The following WDR27 variants were observed in gnomAD, a reference collection of about 807,000 sequenced individuals.
The protein encoded by WDR27 is WD repeat-containing protein 27.
WDR27 carries 100 observed loss-of-function variants against 114.4 expected under a neutral mutation model. That is an observed-to-expected ratio of 0.87 (90% CI 0.74 to 1.03). WDR27 has a LOEUF of 1.03. WDR27 is among the 50% of genes least tolerant of loss of function. The pLI is 0.00. For synonymous variants in WDR27, 449 were observed against 423.1 expected (o/e 1.06, Z -0.75); for missense variants, 1,129 against 1,092.9 (o/e 1.03, Z -0.47).
chr6:169,614,699 A>G (rs1811382485), intron 21 of WDR27, among the ~76,000 whole-genome samples: 1 of 151,828 alleles, frequency 6.6e-6, no homozygotes, highest in South Asian at 2.1e-4. Context: ...AAAAAAAAAA[A>G]GAAAAGAAAA....
At chr6:169,429,873 G>C in the WDR27 span, among the ~76,000 whole-genome samples, 1 of 152,178 alleles carries the variant, frequency 6.6e-6, no homozygotes, top group Non-Finnish European at 1.5e-5. Context: ...GGTTTAGGTG[G>C]TAGTGTCCTA....
At chr6:169,697,422 G>C (rs1023387396) in intron 1 of WDR27, among the ~76,000 whole-genome samples, 2 of 152,080 alleles carry the variant, frequency 1.3e-5, no homozygotes, top group African/African-American at 2.4e-5. Context: ...TAGCAGACCG[G>C]GAAAGGGAAT....
chr6:169,477,775 A>G (rs1787388688), intron 25 of WDR27, among the ~76,000 whole-genome samples: 1 of 152,218 alleles, frequency 6.6e-6, no homozygotes, highest in Non-Finnish European at 1.5e-5. Flanking sequence ...CAAATAATAC[A>G]TGACCTAGAA....
chr6:169,622,655 C>T (rs1048810553), intron 21 of WDR27, among the ~76,000 whole-genome samples: 2 of 152,176 alleles, frequency 1.3e-5, no homozygotes, highest in African/African-American at 4.8e-5. Flanking sequence ...ATTATTTTTA[C>T]CAGAGCTATA....
intron 25 of WDR27, among the ~76,000 whole-genome samples, chr6:169,540,448 T>C (rs1208234853): frequency 1.3e-5 from 2 of 151,146 alleles, no homozygotes; most frequent in Non-Finnish European, 3.0e-5. Flanking sequence ...TTTTTTTCTT[T>C]AGAGGGAGTC....
intron 25 of WDR27, among the ~76,000 whole-genome samples, chr6:169,504,537 T>C (rs1489475131): frequency 6.6e-6 from 1 of 152,210 alleles, no homozygotes; most frequent in Non-Finnish European, 1.5e-5. Context: ...TTAAACCTCT[T>C]TCCTTTATAA....
In WDR27 at chr6:169,519,868, G is replaced by A. The variant is rs184625429; in HGVS notation, c.2645+52551C>T. Among the ~76,000 whole-genome samples the A allele has an allele frequency of 8.4e-4, 128 of 152,098 alleles. 1 individual carries two copies. The highest frequency in any genetic ancestry group is 2.8e-3 in the African/African-American group (117 of 41,478). The stretch of plus-strand genomic sequence containing the variant: ...AGAACTGGACTTCCTCATCTGTGAT[G>A]GTTTTCCCCCATCTTCTTGACATGA... On this transcript the variant is annotated intron_variant, in intron 25 of 25. Transcript: ENST00000448612.
chr6:169,496,879 A>G (rs1790474602), intron 25 of WDR27, among the ~76,000 whole-genome samples: 1 of 152,160 alleles, frequency 6.6e-6, no homozygotes, highest in Admixed American at 6.5e-5. Context: ...AGTGCTCTAC[A>G]GATGCAATGC....
Position 169,670,499 on chromosome 6 carries a change from A to G in WDR27, c.456+70T>C, listed in dbSNP as rs1778423230. The G allele has an allele frequency of 1.9e-6, 3 of 1,583,800 alleles. No individual in the cohort carries two copies. In the East Asian group the frequency reaches 6.8e-5, roughly 36 times the overall value. ...AGGAAAAAAGAAAAGACCGCTGGGC[A>G]AGGTCCCAGAACCTGGGAGGCCCCA... On this transcript the variant is annotated intron_variant, in intron 4 of 25. Transcript: ENST00000448612.
At chr6:169,689,971 T>G (rs1392910949) in intron 1 of WDR27, among the ~76,000 whole-genome samples, 1 of 151,976 alleles carries the variant, frequency 6.6e-6, no homozygotes, top group East Asian at 1.9e-4. Context: ...GCTGGTCATG[T>G]GGATTCACAG....
chr6:169,448,679 C>T, the WDR27 span, among the ~76,000 whole-genome samples: 3 of 152,164 alleles, frequency 2.0e-5, no homozygotes, highest in Non-Finnish European at 1.5e-5. Flanking sequence ...TCATCCCATT[C>T]ACCGACCTGC....
chr6:169,564,002 A>T (rs1206088432), intron 25 of WDR27, among the ~76,000 whole-genome samples: 2 of 152,210 alleles, frequency 1.3e-5, no homozygotes, highest in Non-Finnish European at 2.9e-5. Context: ...TCACACCATC[A>T]CCAGGCGAAG....
intron 25 of WDR27, among the ~76,000 whole-genome samples, chr6:169,502,730 TCTC>T (rs1485317959): frequency 3.9e-5 from 6 of 152,076 alleles, no homozygotes; most frequent in Non-Finnish European, 8.8e-5. Context: ...CCCGGGGTGC[TCTC>T]CTCATCTCCA....
intron 23 of WDR27, among the ~76,000 whole-genome samples, chr6:169,584,657 G>T (rs1804203356): frequency 1.3e-5 from 2 of 152,286 alleles, no homozygotes; most frequent in South Asian, 4.1e-4. Context: ...TATGATTAGT[G>T]ATGTGGAGCA....
chr6:169,649,078 A>ATG, intron 15 of WDR27, 120 bp downstream of exon 15: 1 of 757,102 alleles, frequency 1.3e-6, no homozygotes, highest in Non-Finnish European at 2.3e-6. Context: ...CTGTGTACAT[A>ATG]TGTGTGTAAA....
chr6:169,579,201 G>GA (rs1802954903), intron 24 of WDR27, among the ~76,000 whole-genome samples: 1 of 152,142 alleles, frequency 6.6e-6, no homozygotes, highest in South Asian at 2.1e-4. Context: ...ATTTTATCAA[G>GA]AAAAACTTGC....
Position 169,457,348 on chromosome 6 carries a change from T to A in WDR27, c.*244A>T. The A allele has an allele frequency of 2.4e-6, 1 of 411,736 alleles. No individual in the cohort carries two copies. The highest frequency in any genetic ancestry group is 4.4e-6 in the Non-Finnish European group (1 of 228,726). 25.5% of individuals were successfully genotyped at this position (411,736 alleles called of 1,614,324 possible). ...AACTTTACCAAATTCTGTGCAGAAG[T>A]ACTGGACGCCATTTCCATTTTCCCA... On this transcript the variant is annotated 3_prime_UTR_variant, in exon 26 of 26. Coordinates refer to ENST00000448612, the MANE Select transcript of WDR27 (RefSeq NM_182552.5).
At chr6:169,595,440 C>T (rs1350814437) in intron 23 of WDR27, among the ~76,000 whole-genome samples, 4 of 152,150 alleles carry the variant, frequency 2.6e-5, no homozygotes, top group Non-Finnish European at 5.9e-5. Flanking sequence ...GGTTGTCTAG[C>T]AACCATTTTT....
At chr6:169,516,264 T>C (rs966878939) in intron 25 of WDR27, among the ~76,000 whole-genome samples, 1 of 152,164 alleles carries the variant, frequency 6.6e-6, no homozygotes, top group African/African-American at 2.4e-5. Flanking sequence ...TTTGACTTTC[T>C]CCAGCTCCAT....
Sources: allele counts gnomAD v4.1 joint callset (sites outside exome capture counted in the v4.1 genomes callset), GRCh38; gene constraint gnomAD v4.1.1; transcripts MANE v1.5; gene names NCBI Gene and HGNC (gene_info 2026-07-23, HGNC 2026-07-21).